BRWD3: variants seen among roughly 807,000 people sequenced by gnomAD.
The protein encoded by BRWD3 is bromodomain and WD repeat-containing protein 3.
Under a neutral mutation model 149.7 loss-of-function variants are expected in BRWD3, and 10 were observed. That is an observed-to-expected ratio of 0.07 (90% CI 0.04 to 0.11). BRWD3 has a LOEUF of 0.11. Among genes scored for constraint, BRWD3 ranks in the 10% least tolerant of loss-of-function variants. The probability of loss-of-function intolerance (pLI) is 1.00; values close to 1 mark genes in which losing one functional copy is unlikely to be tolerated. For missense variants in BRWD3, 940 were observed against 1,373.2 expected, an observed-to-expected ratio of 0.68 and a Z score of 4.99; for synonymous variants, 504 against 456.7, an observed-to-expected ratio of 1.10 and a Z score of -1.32.
At chrX:80,809,356 G>A (rs1424129791) in intron 1 of BRWD3, 52 bp from the exon 2 acceptor site, 1 of 1,159,783 alleles carries the variant, frequency 8.6e-7, no homozygotes, top group Non-Finnish European at 1.2e-6. Flanking sequence ...AAGAGAAATA[G>A]AAGCTTTTTC....
At chrX:80,767,214 G>A (rs962365009) in intron 6 of BRWD3, among the ~76,000 whole-genome samples, 1 of 112,343 alleles carries the variant, frequency 8.9e-6, no homozygotes, top group Non-Finnish European at 1.9e-5. Context: ...CCAGCACGGC[G>A]TTTGAGCACA....
chrX:80,735,342 C>T (rs2073388232), intron 9 of BRWD3, 145 bp from the exon 10 acceptor site: 1 of 485,078 alleles, frequency 2.1e-6, no homozygotes, highest in Non-Finnish European at 3.7e-6. Flanking sequence ...CTATTCTCAT[C>T]AATTAGGTTA....
chrX:80,803,343 C>A (rs1257082631), intron 4 of BRWD3, among the ~76,000 whole-genome samples: 5 of 111,327 alleles, frequency 4.5e-5, no homozygotes, highest in Non-Finnish European at 9.4e-5. Flanking sequence ...TCACTGAATC[C>A]AAAGTATTAG....
At chrX:80,699,000 G>A (rs1467306675) in intron 25 of BRWD3, among the ~76,000 whole-genome samples, 1 of 110,617 alleles carries the variant, frequency 9.0e-6, no homozygotes, top group African/African-American at 3.3e-5. Flanking sequence ...ATCACCCTGA[G>A]GTCAGGACTT....
Position 80,788,382 on chromosome X carries a change from T to TA in BRWD3, c.430+3471dup, listed in dbSNP as rs767003113. 5.1e-3 allele frequency among the ~76,000 whole-genome samples: 561 copies of TA among 110,528 alleles called. 2 individuals carry two copies. Among genetic ancestry groups the TA allele is most frequent in the Non-Finnish European group, 8.7e-3 (460 of 52,859 alleles). ...ATAAAGAACTCTCAAAACTCAATAA[T>TA]AAAAAAACGCAAACAACTCAATTTA... is the stretch of plus-strand genomic sequence containing the variant. On this transcript the variant is annotated intron_variant, in intron 6 of 40. Transcript: ENST00000373275.
At chrX:80,788,033 G>A (rs1003747190) in intron 6 of BRWD3, among the ~76,000 whole-genome samples, 10 of 109,505 alleles carry the variant, frequency 9.1e-5, no homozygotes, top group Non-Finnish European at 1.5e-4. Context: ...GCAGTGAGCC[G>A]AGACTGCGCC....
rs143090181 is a variant in BRWD3 at position 80,676,940 on chromosome X, C to A, written c.5078G>T (p.Gly1693Val). ...SRGGRGRGGR[G>V]RGSRGRGGGG... is the part of the protein sequence containing the mutation. The stretch of plus-strand genomic sequence containing the variant: ...TCCACCTCTTCCTCGACTCCCTCGT[C>A]CCCTGCCTCCTCTTCCTCTGCCTCC... Residue 1693 changes from glycine to valine, a missense_variant, in exon 41 of 41, where the codon GGA becomes GTA. Physicochemically the swap from Gly to Val is moderately radical, Grantham distance 109 (BLOSUM62 -3). This residue lies in a region of BRWD3 where 349 missense variants were observed against 419.6 expected (regional missense o/e 0.83). Coordinates refer to ENST00000373275, the MANE Select transcript of BRWD3 (RefSeq NM_153252.5). 7 of 1,199,701 alleles carry A rather than the reference C, an allele frequency of 5.8e-6. No homozygotes were observed. In the African/African-American group the frequency reaches 1.2e-4, roughly 21 times the overall value.
intron 6 of BRWD3, among the ~76,000 whole-genome samples, chrX:80,775,468 G>A (rs1182833408): frequency 8.9e-6 from 1 of 111,896 alleles, no homozygotes; most frequent in Non-Finnish European, 1.9e-5. Context: ...ATTATCTCAT[G>A]TCTTATTTAA....
At position 80,691,164 on chromosome X, in the gene BRWD3, C is replaced by T; in HGVS notation, c.3491G>A (p.Ser1164Asn). Residue 1164 changes from serine (S) to asparagine (N), a missense_variant, in exon 31 of 41, where the codon AGC becomes AAC. By Grantham distance (46) the Ser-to-Asn change is conservative (BLOSUM62 1). This residue lies in a region of BRWD3 where 158 missense variants were observed against 284.0 expected (regional missense o/e 0.56). Transcript: ENST00000373275. Reference protein sequence around the residue: ...INHLLSLDFASPFAVPVDLSA... With the variant: ...INHLLSLDFANPFAVPVDLSA... The stretch of plus-strand genomic sequence containing the variant: ...GAGATCCACTGGAACAGCAAAAGGG[C>T]TGGCAAAATCTACAAAATTATGAAA... 1 of 1,206,692 alleles carries T rather than the reference C, an allele frequency of 8.3e-7. No homozygotes were observed. The highest frequency in any genetic ancestry group is 2.2e-5 in the Admixed American group (1 of 45,766).
chrX:80,750,857 TACACACACACACACAC>T (rs59394410), intron 6 of BRWD3, among the ~76,000 whole-genome samples: 2 of 93,949 alleles, frequency 2.1e-5, no homozygotes, highest in South Asian at 1.1e-3. Context: ...ATGTGTTTTA[TACACACACACACACAC>T]ACACACACAC....
At chrX:80,709,789 A>G in intron 20 of BRWD3, 1 of 466,458 alleles carries the variant, frequency 2.1e-6, no homozygotes, top group Non-Finnish European at 3.6e-6. Flanking sequence ...CCTTGTGATC[A>G]AATTAAAGAC....
chrX:80,808,234 C>G (rs961476482), intron 4 of BRWD3, among the ~76,000 whole-genome samples: 1 of 109,518 alleles, frequency 9.1e-6, no homozygotes, highest in East Asian at 2.9e-4. Flanking sequence ...CCCTTGGTTT[C>G]TCTCCCTTTT....
At chrX:80,782,628 T>C (rs1313553757) in intron 6 of BRWD3, among the ~76,000 whole-genome samples, 1 of 111,778 alleles carries the variant, frequency 8.9e-6, no homozygotes, top group Admixed American at 9.5e-5. Context: ...CCAGGCACAG[T>C]GACTCACGCC....
chrX:80,770,913 A>G (rs769980652), intron 6 of BRWD3, among the ~76,000 whole-genome samples: 1 of 112,198 alleles, frequency 8.9e-6, no homozygotes, highest in East Asian at 2.8e-4. Context: ...GTCTCAGGAT[A>G]CAAAATCAAT....
intron 21 of BRWD3, among the ~76,000 whole-genome samples, chrX:80,708,446 T>C (rs1379051562): frequency 4.0e-5 from 4 of 98,898 alleles, no homozygotes; most frequent in Non-Finnish European, 6.1e-5. Flanking sequence ...TGAATAGTGA[T>C]AATTCTTTTA....
intron 6 of BRWD3, among the ~76,000 whole-genome samples, chrX:80,750,893 C>CACACACACACAT (rs1555977578): frequency 3.7e-5 from 4 of 107,099 alleles, no homozygotes; most frequent in African/African-American, 1.4e-4. Flanking sequence ...CACACACACA[C>CACACACACACAT]GCAAAAATCA....
At chrX:80,729,309 C>A (rs1052640135) in intron 13 of BRWD3, among the ~76,000 whole-genome samples, 1 of 111,142 alleles carries the variant, frequency 9.0e-6, no homozygotes, top group Non-Finnish European at 1.9e-5. Flanking sequence ...AGATTTAGTA[C>A]CATTTTTATG....
rs918607112 is a variant in BRWD3, at chrX:80,676,227, C to T, written c.*382G>A. The T allele has an allele frequency of 5.4e-5, 10 of 186,065 alleles. No individual in the cohort carries two copies. The Admixed American group carries it at 6.3e-4, about 12-fold the overall frequency. 15.3% of individuals were successfully genotyped at this position (186,065 alleles called of 1,213,427 possible). ...AAGAAGGTGCTATACTTCTGTGATA[C>T]AAAAGCAAAAGAGGGCTATTCTATT... On this transcript the variant is annotated 3_prime_UTR_variant, in exon 41 of 41. Transcript: ENST00000373275.
At chrX:80,711,157 A>C (rs940145916) in intron 20 of BRWD3, among the ~76,000 whole-genome samples, 3 of 112,138 alleles carry the variant, frequency 2.7e-5, no homozygotes, top group African/African-American at 9.7e-5. Flanking sequence ...AAAAATCTAG[A>C]AAACTTTTTT....
Sources: allele counts gnomAD v4.1 joint callset (sites outside exome capture counted in the v4.1 genomes callset), GRCh38; gene constraint gnomAD v4.1.1; regional missense constraint gnomAD v4.1.1; transcripts MANE v1.5; gene names NCBI Gene and HGNC (gene_info 2026-07-23, HGNC 2026-07-21).